Variants in CNTN3 observed in about 807,000 individuals in gnomAD.
CNTN3 encodes contactin-3.
A neutral mutation model predicts 119.1 loss-of-function variants in CNTN3; 60 were observed. That is an observed-to-expected ratio of 0.50 (90% CI 0.41 to 0.62). The LOEUF (loss-of-function observed/expected upper bound fraction) is 0.62, where lower values mean the gene tolerates loss of function less well. Ranked by LOEUF, CNTN3 falls within the 20% of genes least tolerant of loss-of-function variation. The probability of loss-of-function intolerance (pLI) is 0.00; values close to 1 mark genes in which losing one functional copy is unlikely to be tolerated. For synonymous variants in CNTN3, 450 were observed against 438.7 expected, an observed-to-expected ratio of 1.03 and a Z score of -0.32; for missense variants, 1,101 against 1,242.4, an observed-to-expected ratio of 0.89 and a Z score of 1.71.
intron 3 of CNTN3, among the ~76,000 whole-genome samples, chr3:74,491,477 G>A (rs1702963106): frequency 6.6e-6 from 1 of 152,072 alleles, no homozygotes; most frequent in Non-Finnish European, 1.5e-5. Context: ...TCCAGTGTTG[G>A]CAACAGAACC....
chr3:74,448,857 T>C (rs534283011), intron 4 of CNTN3, among the ~76,000 whole-genome samples: 1 of 152,274 alleles, frequency 6.6e-6, no homozygotes, highest in South Asian at 2.1e-4. Flanking sequence ...TATCACTATA[T>C]ACCACACATT....
chr3:74,478,034 G>C (rs1702690732), intron 4 of CNTN3, among the ~76,000 whole-genome samples: 1 of 152,022 alleles, frequency 6.6e-6, no homozygotes, highest in Non-Finnish European at 1.5e-5. Context: ...CCCAAACTAG[G>C]ACTTACTAGT....
chr3:74,379,116 A>G (rs1704550104), intron 5 of CNTN3, among the ~76,000 whole-genome samples: 1 of 152,118 alleles, frequency 6.6e-6, no homozygotes, highest in South Asian at 2.1e-4. Flanking sequence ...AGCATCTTTC[A>G]CCACATTGTG....
intron 1 of CNTN3, among the ~76,000 whole-genome samples, chr3:74,551,547 A>G (rs775998451): frequency 8.6e-5 from 13 of 151,874 alleles, no homozygotes; most frequent in Non-Finnish European, 1.9e-4. Context: ...ATGGATTTGG[A>G]CCAATGTATC....
At chr3:74,290,799 C>G (rs1047341729) in intron 19 of CNTN3, among the ~76,000 whole-genome samples, 2 of 152,112 alleles carry the variant, frequency 1.3e-5, no homozygotes, top group Middle Eastern at 3.2e-3. Flanking sequence ...TCATGCCATT[C>G]TCCTGCCTCA....
chr3:74,461,771 A>G (rs892321726), intron 4 of CNTN3, among the ~76,000 whole-genome samples: 4 of 152,114 alleles, frequency 2.6e-5, no homozygotes, highest in Non-Finnish European at 5.9e-5. Context: ...AGTGTTAAAT[A>G]AGTAGGATAT....
intron 1 of CNTN3, among the ~76,000 whole-genome samples, chr3:74,544,177 T>G (rs1282341868): frequency 6.6e-6 from 1 of 152,184 alleles, no homozygotes; most frequent in Non-Finnish European, 1.5e-5. Flanking sequence ...GAGGTCAGGT[T>G]GGCACTGAAA....
At chr3:74,553,128 C>G (rs1362222454) in intron 1 of CNTN3, among the ~76,000 whole-genome samples, 1 of 149,930 alleles carries the variant, frequency 6.7e-6, no homozygotes, top group Non-Finnish European at 1.5e-5. Context: ...ATGTTCCCCT[C>G]CATGCATCCA....
At position 74,264,436 on chromosome 3, in the gene CNTN3, T is replaced by C. The variant is rs1184313574; in HGVS notation, c.3052A>G (p.Ile1018Val). Reference protein sequence around the residue: ...NVHPMSSYMPIVLFLIVYVLW With the variant: ...NVHPMSSYMPVVLFLIVYVLW Reference sequence around the variant, plus strand: ...ACATATACAATTAAGAACAGTACTATAGGCATATAACTTGACATAGGGTGG... The same window carrying C: ...ACATATACAATTAAGAACAGTACTACAGGCATATAACTTGACATAGGGTGG... The change falls in exon 23 of 23, where the codon ATA (isoleucine) becomes GTA (valine). Residue 1018 changes from isoleucine to valine, a missense_variant. Ile to Val is a conservative substitution (Grantham distance 29). Coordinates refer to ENST00000263665, the MANE Select transcript of CNTN3 (RefSeq NM_020872.3). 1.9e-6 allele frequency: 3 copies of C among 1,610,400 alleles called. No homozygotes were observed. The highest frequency in any genetic ancestry group is 2.5e-6 in the Non-Finnish European group (3 of 1,177,098).
chr3:74,413,989 G>C (rs150382684), intron 5 of CNTN3, among the ~76,000 whole-genome samples: 9 of 152,254 alleles, frequency 5.9e-5, no homozygotes, highest in African/African-American at 1.9e-4. Context: ...GAGGTGCCAA[G>C]CAGTGCCTGT....
At chr3:74,393,372 T>C (rs7613439) in intron 5 of CNTN3, among the ~76,000 whole-genome samples, 7,158 of 152,284 alleles carry the variant, frequency 0.047, 521 homozygotes, top group African/African-American at 0.16. Flanking sequence ...TAAATGTGTA[T>C]GTGCTGCTAT....
chr3:74,424,782 T>C, intron 5 of CNTN3, 63 bp downstream of exon 5: 2 of 1,313,644 alleles, frequency 1.5e-6, no homozygotes, highest in African/African-American at 1.4e-5. Flanking sequence ...TAACAGTACA[T>C]GCGCTGCAGG....
At chr3:74,341,362 G>T (rs1703541448) in intron 11 of CNTN3, among the ~76,000 whole-genome samples, 1 of 152,070 alleles carries the variant, frequency 6.6e-6, no homozygotes, top group African/African-American at 2.4e-5. Flanking sequence ...CTGAGAACAG[G>T]TTTATCTGCA....
intron 1 of CNTN3, among the ~76,000 whole-genome samples, chr3:74,592,492 C>CACAT (rs1388132518): frequency 7.0e-6 from 1 of 142,348 alleles, no homozygotes; most frequent in African/African-American, 3.0e-5. Context: ...CACACACACA[C>CACAT]ACATACACAC....
At chr3:74,388,850 TA>T (rs1250148846) in intron 5 of CNTN3, among the ~76,000 whole-genome samples, 1 of 152,184 alleles carries the variant, frequency 6.6e-6, no homozygotes, top group Non-Finnish European at 1.5e-5. Context: ...TATATTTACT[TA>T]AAAAACAGCT....
At chr3:74,265,874 A>G (rs1309805102) in intron 22 of CNTN3, among the ~76,000 whole-genome samples, 1 of 152,168 alleles carries the variant, frequency 6.6e-6, no homozygotes, top group Non-Finnish European at 1.5e-5. Context: ...GAGTGAGGAT[A>G]AAATTTATTC....
chr3:74,553,405 T>A (rs1431958319), intron 1 of CNTN3, among the ~76,000 whole-genome samples: 1 of 152,224 alleles, frequency 6.6e-6, no homozygotes, highest in Non-Finnish European at 1.5e-5. Flanking sequence ...TACGTGTGCA[T>A]GTGTCTTTAT....
At chr3:74,289,629 G>A (rs561452344) in intron 19 of CNTN3, among the ~76,000 whole-genome samples, 19 of 152,010 alleles carry the variant, frequency 1.2e-4, no homozygotes, top group African/African-American at 3.9e-4. Context: ...AGTCTCTTTC[G>A]GCCATTTTGA....
intron 1 of CNTN3, among the ~76,000 whole-genome samples, chr3:74,603,581 TACA>T (rs1372583441): frequency 6.6e-6 from 1 of 152,134 alleles, no homozygotes. Flanking sequence ...GTTACATTTA[TACA>T]ACAACAAAAA....
Sources: allele counts gnomAD v4.1 joint callset (sites outside exome capture counted in the v4.1 genomes callset), GRCh38; gene constraint gnomAD v4.1.1; transcripts MANE v1.5; gene names NCBI Gene and HGNC (gene_info 2026-07-23, HGNC 2026-07-21).